ZNF521: variants seen among roughly 807,000 people sequenced by gnomAD.
ZNF521 encodes the protein LYST-interacting protein 3.
In ZNF521, 14 loss-of-function variants were observed where a neutral mutation model predicts 105.5. That is an observed-to-expected ratio of 0.13 (90% CI 0.09 to 0.21). The LOEUF is 0.21. ZNF521 is among the 10% of genes least tolerant of loss of function. The pLI is 1.00. For missense variants in ZNF521, 1,233 were observed against 1,629.7 expected (o/e 0.76, Z 4.19); for synonymous variants, 635 against 606.0 (o/e 1.05, Z -0.70).
intron 7 of ZNF521, among the ~76,000 whole-genome samples, chr18:25,068,519 T>TA (rs985440017): frequency 2.6e-5 from 4 of 152,094 alleles, no homozygotes; most frequent in Non-Finnish European, 5.9e-5. Context: ...TTTTTTTTTT[T>TA]AAACAAAAGC....
chr18:25,117,614 A>C (rs752795525), intron 5 of ZNF521, among the ~76,000 whole-genome samples: 11 of 152,136 alleles, frequency 7.2e-5, no homozygotes, highest in Non-Finnish European at 1.5e-4. Context: ...GAAATTCTTA[A>C]ACTGAAAATT....
chr18:25,270,259 A>G (rs576375624), intron 3 of ZNF521, among the ~76,000 whole-genome samples: 94 of 152,294 alleles, frequency 6.2e-4, no homozygotes, highest in Admixed American at 1.2e-3. Context: ...ACCAATAACA[A>G]GTTCTGAAAC....
chr18:25,239,795 A>G (rs979245192), intron 3 of ZNF521, among the ~76,000 whole-genome samples: 5 of 152,068 alleles, frequency 3.3e-5, no homozygotes, highest in African/African-American at 1.2e-4. Context: ...GGGGGAGGAG[A>G]AGGAGGGCTT....
intron 2 of ZNF521, among the ~76,000 whole-genome samples, chr18:25,346,385 T>A (rs1180443741): frequency 6.6e-6 from 1 of 152,144 alleles, no homozygotes. Flanking sequence ...CAGAGTTTAA[T>A]GTTTCTATTA....
intron 3 of ZNF521, among the ~76,000 whole-genome samples, chr18:25,237,251 G>C (rs1337011782): frequency 2.6e-5 from 4 of 152,262 alleles, no homozygotes; most frequent in Non-Finnish European, 5.9e-5. Flanking sequence ...TTATGCCAAA[G>C]TAGTTTTTCA....
intron 4 of ZNF521, among the ~76,000 whole-genome samples, chr18:25,205,908 G>T (rs1031953113): frequency 6.6e-6 from 1 of 151,926 alleles, no homozygotes; most frequent in Non-Finnish European, 1.5e-5. Flanking sequence ...TTTACATGTT[G>T]TATCAGAATT....
At chr18:25,234,253 T>A (rs187595647) in intron 3 of ZNF521, among the ~76,000 whole-genome samples, 4 of 152,312 alleles carry the variant, frequency 2.6e-5, no homozygotes, top group Admixed American at 2.6e-4. Flanking sequence ...ACTGAGGGTG[T>A]TCTAAACCGT....
At chr18:25,089,031 G>A (rs2033687183) in intron 7 of ZNF521, among the ~76,000 whole-genome samples, 1 of 152,202 alleles carries the variant, frequency 6.6e-6, no homozygotes, top group African/African-American at 2.4e-5. Context: ...CTGGACAAGA[G>A]TACGATTTCT....
chr18:25,308,813 C>T (rs1912138168), intron 3 of ZNF521, among the ~76,000 whole-genome samples: 1 of 152,088 alleles, frequency 6.6e-6, no homozygotes, highest in African/African-American at 2.4e-5. Flanking sequence ...AAACACACTA[C>T]TGGGAGGTGC....
chr18:25,157,144 G>A (rs1299357902), intron 5 of ZNF521, among the ~76,000 whole-genome samples: 1 of 152,114 alleles, frequency 6.6e-6, no homozygotes, highest in Admixed American at 6.5e-5. Flanking sequence ...TTTGCAGTGA[G>A]CCGAGATTGC....
At chr18:25,342,328 T>C (rs1436816321) in intron 2 of ZNF521, among the ~76,000 whole-genome samples, 2 of 152,168 alleles carry the variant, frequency 1.3e-5, no homozygotes, top group Non-Finnish European at 2.9e-5. Flanking sequence ...ATTCAAGCAA[T>C]GATTCTGTTT....
intron 5 of ZNF521, among the ~76,000 whole-genome samples, chr18:25,143,614 T>C (rs985579216): frequency 6.6e-6 from 1 of 152,180 alleles, no homozygotes; most frequent in Non-Finnish European, 1.5e-5. Context: ...TTTCTTCAGA[T>C]ACCTTGTAGC....
rs933514673 is a variant in ZNF521 at position 25,062,242 on chromosome 18, T to C, written c.*470A>G. On this transcript the variant is annotated 3_prime_UTR_variant, in exon 8 of 8. Coordinates refer to ENST00000361524, the MANE Select transcript of ZNF521 (RefSeq NM_015461.3). ...TCTGTTCTGTGAGAACATCTCTTCA[T>C]GGTTTGCAAGAATCTTCAGCAATAA... 1.4e-5 allele frequency: 3 copies of C among 220,540 alleles called. No homozygotes were observed. The highest frequency in any genetic ancestry group is 1.2e-4 in the Admixed American group (2 of 17,076). 13.7% of individuals were successfully genotyped at this position (220,540 alleles called of 1,614,324 possible).
intron 5 of ZNF521, among the ~76,000 whole-genome samples, chr18:25,188,800 T>A (rs1315816210): frequency 6.6e-6 from 1 of 152,176 alleles, no homozygotes; most frequent in African/African-American, 2.4e-5. Flanking sequence ...CCAGTAATTC[T>A]CCTTGAGAAC....
In ZNF521 at chr18:25,115,018, T is replaced by C. The variant is rs369825509; in HGVS notation, c.3659-22937A>G. On this transcript the variant is annotated intron_variant, in intron 5 of 7. Transcript: ENST00000361524. ...CCTTTATAAATTTGCTGTTTTCTAA[T>C]GGTGTCCTATTAACACACAAAAGCT... Among the ~76,000 whole-genome samples, 7 of 152,360 alleles carry C rather than the reference T, an allele frequency of 4.6e-5. No individual in the cohort carries two copies. The East Asian group carries it at 7.7e-4, about 17-fold the overall frequency.
chr18:25,115,541 G>A (rs913804059), intron 5 of ZNF521, among the ~76,000 whole-genome samples: 3 of 152,040 alleles, frequency 2.0e-5, no homozygotes, highest in Admixed American at 2.0e-4. Flanking sequence ...TGTTCATAAA[G>A]TATTATATAG....
chr18:25,230,445 G>A (rs1193669314), intron 3 of ZNF521, among the ~76,000 whole-genome samples: 1 of 152,104 alleles, frequency 6.6e-6, no homozygotes, highest in Admixed American at 6.5e-5. Flanking sequence ...TTGTGGTGAT[G>A]GTCTCCCCGC....
chr18:25,214,871 C>A (rs2036253672), intron 4 of ZNF521, among the ~76,000 whole-genome samples: 1 of 152,038 alleles, frequency 6.6e-6, no homozygotes, highest in Admixed American at 6.6e-5. Context: ...AAAGAATAAT[C>A]AATGGCTCCT....
In ZNF521 at chr18:25,226,520, A is replaced by C; in HGVS notation, c.1398T>G (p.Gly466=). 1 of 1,614,152 alleles carries C rather than the reference A, an allele frequency of 6.2e-7. No individual in the cohort carries two copies. Among genetic ancestry groups the C allele is most frequent in the Non-Finnish European group, 8.5e-7 (1 of 1,180,014 alleles). Residue 466 remains glycine (G), a synonymous_variant, in exon 4 of 8, where the codon GGT becomes GGG. Transcript: ENST00000361524. The surrounding 1 kb of genome is among the most constrained non-coding windows in gnomAD (Gnocchi z 4.1). ...TGGCAGGCATGGCAGAAACAATCAG[A>C]CCTGGGTCCTGAGCTTCATGCACTT... ...LKQVHEAQDP[G]LIVSAMPAIV...
Sources: allele counts gnomAD v4.1 joint callset (sites outside exome capture counted in the v4.1 genomes callset), GRCh38; gene constraint gnomAD v4.1.1; non-coding constraint Gnocchi (gnomAD v3.1); transcripts MANE v1.5; gene names NCBI Gene and HGNC (gene_info 2026-07-23, HGNC 2026-07-21).